The following LPAR3 variants were observed in gnomAD, a reference collection of about 807,000 sequenced individuals.
LPAR3 encodes the protein LPA receptor 3.
A neutral mutation model predicts 17.8 loss-of-function variants in LPAR3; 7 were observed. That is an observed-to-expected ratio of 0.39 (90% confidence interval 0.22 to 0.74). The LOEUF (loss-of-function observed/expected upper bound fraction) is 0.74. Among genes scored for constraint, LPAR3 ranks in the 30% least tolerant of loss-of-function variants. The pLI, the probability that LPAR3 is intolerant of heterozygous loss-of-function variation, is 0.40. For synonymous variants in LPAR3, 179 were observed against 179.9 expected, an observed-to-expected ratio of 0.99 and a Z score of 0.04; for missense variants, 391 against 453.4, an observed-to-expected ratio of 0.86 and a Z score of 1.25.
At chr1:84,839,772 ATCTTAGC>A (rs1170927008) in intron 2 of LPAR3, among the ~76,000 whole-genome samples, 2 of 152,194 alleles carry the variant, frequency 1.3e-5, no homozygotes, top group Admixed American at 1.3e-4. Flanking sequence ...GTGCACTCAA[ATCTTAGC>A]TCTTCCAATT....
Position 84,857,490 on chromosome 1 carries a change from C to A in LPAR3, c.736+7895G>T, listed in dbSNP as rs761971625. On this transcript the variant is annotated intron_variant, in intron 2 of 2. Coordinates refer to ENST00000370611, the MANE Select transcript of LPAR3 (RefSeq NM_012152.3). ...GTTCCCCCCGCCGACTCCAAAGCCC[C>A]TATTCTTACCAATGATTTTAATAAG... Among the ~76,000 whole-genome samples, 199 of 152,268 alleles carry A rather than the reference C, an allele frequency of 1.3e-3. 1 individual carries two copies. Among genetic ancestry groups the A allele is most frequent in the Non-Finnish European group, 1.3e-3 (87 of 68,030 alleles).
rs1659004812 is a variant in LPAR3 at position 84,819,294 on chromosome 1, A to G, written c.737-5123T>C. On this transcript the variant is annotated intron_variant, in intron 2 of 2. Coordinates refer to ENST00000370611, the MANE Select transcript of LPAR3 (RefSeq NM_012152.3). ...AAAATGTTACTGTTATGGGAAATAC[A>G]GATCACTGGAGCTGGGTGGGGCCTT... is the stretch of plus-strand genomic sequence containing the variant. Among the ~76,000 whole-genome samples, 3 of 152,352 alleles carry G rather than the reference A, an allele frequency of 2.0e-5. No individual in the cohort carries two copies. The South Asian group carries it at 6.2e-4, about 32-fold the overall frequency.
chr1:84,829,152 A>ATTTTTTTTTT (rs56095946), intron 2 of LPAR3, among the ~76,000 whole-genome samples: 7 of 55,550 alleles, frequency 1.3e-4, no homozygotes, highest in South Asian at 8.2e-4. Flanking sequence ...CCTCTCTGCA[A>ATTTTTTTTTT]TTTTTTTTTT....
At chr1:84,824,763 C>T (rs1294426217) in intron 2 of LPAR3, among the ~76,000 whole-genome samples, 2 of 152,188 alleles carry the variant, frequency 1.3e-5, no homozygotes, top group African/African-American at 2.4e-5. Flanking sequence ...ATAAGCAGAT[C>T]TGGGAGAGTA....
At chr1:84,887,936 G>A (rs1421535752) in intron 1 of LPAR3, among the ~76,000 whole-genome samples, 3 of 152,112 alleles carry the variant, frequency 2.0e-5, no homozygotes, top group Admixed American at 6.6e-5. Context: ...GATAACTGAC[G>A]AAATAGGAAT....
chr1:84,834,480 C>T (rs1335081788), intron 2 of LPAR3, among the ~76,000 whole-genome samples: 2 of 152,148 alleles, frequency 1.3e-5, no homozygotes, highest in Non-Finnish European at 2.9e-5. Context: ...CTTTACTGTT[C>T]CTATGGGTCC....
At chr1:84,827,633 T>C (rs1659188944) in intron 2 of LPAR3, among the ~76,000 whole-genome samples, 1 of 152,174 alleles carries the variant, frequency 6.6e-6, no homozygotes, top group Non-Finnish European at 1.5e-5. Flanking sequence ...CCGTGGTCCC[T>C]GTGCCCCTAA....
chr1:84,858,917 A>G (rs1659882028), intron 2 of LPAR3, among the ~76,000 whole-genome samples: 1 of 152,226 alleles, frequency 6.6e-6, no homozygotes, highest in Non-Finnish European at 1.5e-5. Context: ...AGATTCAAAG[A>G]AGATAGACCT....
At chr1:84,825,408 T>C (rs1046301311) in intron 2 of LPAR3, among the ~76,000 whole-genome samples, 1 of 152,170 alleles carries the variant, frequency 6.6e-6, no homozygotes, top group Non-Finnish European at 1.5e-5. Flanking sequence ...GAGGAGTAAA[T>C]GATTCCAGGC....
intron 2 of LPAR3, among the ~76,000 whole-genome samples, chr1:84,820,024 C>T (rs962438001): frequency 3.3e-5 from 5 of 152,174 alleles, no homozygotes; most frequent in African/African-American, 1.2e-4. Context: ...TTTACATGCA[C>T]TTCCCCTGTA....
rs556846156 is a variant in LPAR3, at chr1:84,825,516, A to G, written c.737-11345T>C. Among the ~76,000 whole-genome samples, 326 of 152,288 alleles carry G rather than the reference A, an allele frequency of 2.1e-3. 1 individual carries two copies. The highest frequency in any genetic ancestry group is 3.4e-3 in the Middle Eastern group (1 of 294). ...CAAGGCCACCATGTTCTGTGTTTTT[A>G]AATGGACAGGAATGTTAAGAATCTC... is the stretch of plus-strand genomic sequence containing the variant. On this transcript the variant is annotated intron_variant, in intron 2 of 2. Transcript: ENST00000370611.
chr1:84,858,596 A>G (rs1263400982), intron 2 of LPAR3, among the ~76,000 whole-genome samples: 1 of 151,932 alleles, frequency 6.6e-6, no homozygotes, highest in Non-Finnish European at 1.5e-5. Flanking sequence ...GATGGAAGTG[A>G]GGAAACCTGG....
At chr1:84,825,479 T>C (rs1388435288) in intron 2 of LPAR3, among the ~76,000 whole-genome samples, 1 of 152,178 alleles carries the variant, frequency 6.6e-6, no homozygotes, top group Non-Finnish European at 1.5e-5. Flanking sequence ...GGGCTGAATT[T>C]AATGTTCTCT....
chr1:84,847,541 A>G lies in LPAR3; in HGVS notation c.736+17844T>C, dbSNP rs117893847. Among the ~76,000 whole-genome samples, 37 of 152,340 alleles carry G rather than the reference A, an allele frequency of 2.4e-4. 1 individual carries two copies. In the East Asian group the frequency reaches 6.6e-3, roughly 27 times the overall value. On this transcript the variant is annotated intron_variant, in intron 2 of 2. Transcript: ENST00000370611. ...TGGAGCCAGTTGGAGTCCATCAACAAGCCCAGGAAGCAAGTCCAGCTCCTA... is the reference window on the plus strand; with the variant it reads ...TGGAGCCAGTTGGAGTCCATCAACAGGCCCAGGAAGCAAGTCCAGCTCCTA...
chr1:84,826,173 G>GTA (rs1211191329), intron 2 of LPAR3, among the ~76,000 whole-genome samples: 5 of 150,536 alleles, frequency 3.3e-5, no homozygotes, highest in East Asian at 3.9e-4. Context: ...CATATTATAT[G>GTA]TATATATATA....
At chr1:84,831,539 C>CGT (rs1659282921) in intron 2 of LPAR3, among the ~76,000 whole-genome samples, 1 of 99,168 alleles carries the variant, frequency 1.0e-5, no homozygotes, top group South Asian at 4.2e-4. Context: ...CATCATATAT[C>CGT]ATATATATCA....
intron 2 of LPAR3, among the ~76,000 whole-genome samples, chr1:84,854,718 AC>A (rs1223148739): frequency 6.6e-6 from 1 of 152,240 alleles, no homozygotes; most frequent in African/African-American, 2.4e-5. Flanking sequence ...GCAGAAAAAA[AC>A]ATAAAGAATA....
At chr1:84,829,017 T>C (rs141082752) in intron 2 of LPAR3, among the ~76,000 whole-genome samples, 228 of 150,816 alleles carry the variant, frequency 1.5e-3, no homozygotes, top group African/African-American at 5.5e-3. Context: ...CTCAGCTCCT[T>C]TTCATAGTTT....
intron 2 of LPAR3, among the ~76,000 whole-genome samples, chr1:84,848,792 G>C (rs141586826): frequency 2.6e-5 from 4 of 152,142 alleles, no homozygotes; most frequent in Non-Finnish European, 5.9e-5. Flanking sequence ...AAGGCACAGA[G>C]CTCCACTGTG....
Sources: gnomAD v4.1 joint callset for allele counts (sites outside exome capture counted in the v4.1 genomes callset) on GRCh38, gnomAD v4.1.1 for gene constraint, MANE v1.5 for transcripts, NCBI Gene and HGNC (gene_info 2026-07-23, HGNC 2026-07-21) for gene names.